MAP2K4: variants seen among roughly 807,000 people sequenced by gnomAD.
MAP2K4 encodes mitogen-activated protein kinase kinase 4.
MAP2K4 carries 4 observed loss-of-function variants against 48.5 expected under a neutral mutation model. That is an observed-to-expected ratio of 0.08 (90% CI 0.04 to 0.19). MAP2K4 has a LOEUF of 0.19. MAP2K4 is among the 10% of genes least tolerant of loss of function. The pLI is 1.00. For synonymous variants in MAP2K4, 166 were observed against 173.1 expected (o/e 0.96, Z 0.32); for missense variants, 258 against 493.3 (o/e 0.52, Z 4.52).
intron 1 of MAP2K4, among the ~76,000 whole-genome samples, chr17:12,024,669 A>G (rs1408225359): frequency 6.6e-6 from 1 of 152,206 alleles, no homozygotes; most frequent in Non-Finnish European, 1.5e-5. Flanking sequence ...AAATGTTTTT[A>G]TTCTTAATGT....
intron 2 of MAP2K4, among the ~76,000 whole-genome samples, chr17:12,077,172 G>A (rs917119971): frequency 3.3e-5 from 5 of 152,162 alleles, no homozygotes; most frequent in African/African-American, 4.8e-5. Context: ...TAGTCTTAGA[G>A]TTAAGATTCT....
intron 1 of MAP2K4, among the ~76,000 whole-genome samples, chr17:12,027,925 A>G (rs961386131): frequency 3.9e-5 from 6 of 152,158 alleles, no homozygotes; most frequent in African/African-American, 1.4e-4. Flanking sequence ...AAGATAGGGA[A>G]GGTGCCATAA....
chr17:12,075,899 AT>A (rs1458280237), intron 2 of MAP2K4, among the ~76,000 whole-genome samples: 1 of 152,248 alleles, frequency 6.6e-6, no homozygotes, highest in Non-Finnish European at 1.5e-5. Flanking sequence ...AAGATACAAA[AT>A]AATATGTACT....
At chr17:12,038,782 A>G (rs1437504077) in intron 1 of MAP2K4, among the ~76,000 whole-genome samples, 1 of 152,204 alleles carries the variant, frequency 6.6e-6, no homozygotes, top group Admixed American at 6.5e-5. Context: ...GAGAGGTTAA[A>G]TAAAATTTCC....
chr17:12,042,822 C>A (rs527380059), intron 1 of MAP2K4, among the ~76,000 whole-genome samples: 5 of 152,110 alleles, frequency 3.3e-5, no homozygotes, highest in Non-Finnish European at 7.4e-5. Flanking sequence ...CCGAGGTGGG[C>A]GGATCATGAG....
At position 12,053,412 on chromosome 17, in the gene MAP2K4, T is replaced by C. The variant is rs9908952; in HGVS notation, c.116-1477T>C. On this transcript the variant is annotated intron_variant, in intron 1 of 10. Transcript: ENST00000353533. ...TTTGTCTTTACTGCTCATATTCTTA[T>C]CACTTTTTTTCTATTTTTCTTGATT... is the stretch of plus-strand genomic sequence containing the variant. 2.8e-3 allele frequency among the ~76,000 whole-genome samples: 433 copies of C among 152,218 alleles called. 2 individuals carry two copies. Among genetic ancestry groups the C allele is most frequent in the African/African-American group, 6.6e-3 (273 of 41,564 alleles).
chr17:12,078,909 T>C (rs1971097553), intron 2 of MAP2K4, among the ~76,000 whole-genome samples: 2 of 152,290 alleles, frequency 1.3e-5, no homozygotes, highest in South Asian at 4.1e-4. Flanking sequence ...ATGGACTCAG[T>C]TTTGCTGGAA....
chr17:12,065,536 G>A (rs1313517475), intron 2 of MAP2K4, among the ~76,000 whole-genome samples: 1 of 152,054 alleles, frequency 6.6e-6, no homozygotes, highest in Non-Finnish European at 1.5e-5. Flanking sequence ...TTGACCTCAG[G>A]TGATCTGCCC....
intron 4 of MAP2K4, among the ~76,000 whole-genome samples, chr17:12,102,409 G>T (rs1421181650): frequency 1.3e-5 from 2 of 152,018 alleles, no homozygotes; most frequent in Non-Finnish European, 2.9e-5. Context: ...GATTCAATTT[G>T]TTAAATTACT....
rs145118764 is a variant in MAP2K4 at position 12,132,927 on chromosome 17, G to A, written c.1040+3640G>A. 4.6e-5 allele frequency among the ~76,000 whole-genome samples: 7 copies of A among 152,230 alleles called. No homozygotes were observed. In the East Asian group the frequency reaches 1.4e-3, roughly 29 times the overall value. ...TTTGTAGTAATTTTGGTTCCTTAAT[G>A]TCAGCAAGTGTTGCACAGTGAATTT... On this transcript the variant is annotated intron_variant, in intron 9 of 10. Coordinates refer to ENST00000353533, the MANE Select transcript of MAP2K4 (RefSeq NM_003010.4).
At chr17:12,091,668 G>A (rs1272357553) in intron 3 of MAP2K4, among the ~76,000 whole-genome samples, 3 of 151,956 alleles carry the variant, frequency 2.0e-5, no homozygotes, top group Non-Finnish European at 2.9e-5. Context: ...CTCTCAATTG[G>A]AGTGATGTTG....
At chr17:12,025,279 T>C (rs1969220075) in intron 1 of MAP2K4, among the ~76,000 whole-genome samples, 1 of 152,168 alleles carries the variant, frequency 6.6e-6, no homozygotes, top group South Asian at 2.1e-4. Context: ...TCTGTTAAAA[T>C]AGGGATAATG....
At chr17:12,105,532 A>T (rs1972080150) in intron 4 of MAP2K4, among the ~76,000 whole-genome samples, 1 of 152,046 alleles carries the variant, frequency 6.6e-6, no homozygotes, top group South Asian at 2.1e-4. Flanking sequence ...GTTGTTCATC[A>T]TTCTCCAGCT....
At chr17:12,126,966 T>C (rs1310044638) in intron 8 of MAP2K4, among the ~76,000 whole-genome samples, 2 of 152,210 alleles carry the variant, frequency 1.3e-5, no homozygotes, top group East Asian at 3.9e-4. Context: ...TACCTAAGAC[T>C]CTATAGCCCA....
chr17:12,063,227 C>T (rs1970507915), intron 2 of MAP2K4, among the ~76,000 whole-genome samples: 1 of 152,170 alleles, frequency 6.6e-6, no homozygotes, highest in Non-Finnish European at 1.5e-5. Flanking sequence ...TTATCTGTAA[C>T]ACAGTCAGCC....
chr17:12,113,637 A>G (rs1972381300), intron 7 of MAP2K4, among the ~76,000 whole-genome samples: 1 of 152,216 alleles, frequency 6.6e-6, no homozygotes, highest in African/African-American at 2.4e-5. Flanking sequence ...AACTCAACTC[A>G]TTAAACAGAT....
rs538817399 is a variant in MAP2K4 at position 12,029,380 on chromosome 17, T to C, written c.115+8379T>C. On this transcript the variant is annotated intron_variant, in intron 1 of 10. Transcript: ENST00000353533. ...TCTTGATATTTATTCTAAGATTTAA[T>C]TAAACTTGCCTGGGGCCAGGAAAAA... Among the ~76,000 whole-genome samples the C allele has an allele frequency of 1.8e-4, 27 of 152,288 alleles. No homozygotes were observed. In the South Asian group the frequency reaches 5.4e-3, roughly 30 times the overall value.
chr17:12,129,790 T>C (rs1972968535), intron 9 of MAP2K4, among the ~76,000 whole-genome samples: 2 of 152,194 alleles, frequency 1.3e-5, no homozygotes. Flanking sequence ...ATATCTTTGC[T>C]CTCTGAAACC....
chr17:12,122,589 G>A (rs1030557972), intron 7 of MAP2K4, among the ~76,000 whole-genome samples: 1 of 152,140 alleles, frequency 6.6e-6, no homozygotes, highest in African/African-American at 2.4e-5. Context: ...GTTTCAGTAG[G>A]AATTTTCTGT....
Sources: gnomAD v4.1 joint callset for allele counts (sites outside exome capture counted in the v4.1 genomes callset) on GRCh38, gnomAD v4.1.1 for gene constraint, MANE v1.5 for transcripts, NCBI Gene and HGNC (gene_info 2026-07-23, HGNC 2026-07-21) for gene names.